The following SORCS2 variants were observed in gnomAD, a reference collection of about 807,000 sequenced individuals.
SORCS2 encodes the protein sortilin related VPS10 domain containing receptor 2, also known as VPS10 domain-containing receptor SorCS2.
SORCS2 carries 100 observed loss-of-function variants against 141.6 expected under a neutral mutation model. That is an observed-to-expected ratio of 0.71 (90% confidence interval 0.60 to 0.83). The LOEUF (loss-of-function observed/expected upper bound fraction) is 0.83. Ranked by LOEUF, SORCS2 falls within the 40% of genes least tolerant of loss-of-function variation. The pLI is 0.00. For synonymous variants in SORCS2, 789 were observed against 676.9 expected (o/e 1.17, Z -2.57); for missense variants, 1,646 against 1,560.2 (o/e 1.05, Z -0.93).
At chr4:7,454,603 T>C (rs1577591422) in intron 2 of SORCS2, among the ~76,000 whole-genome samples, 1 of 117,678 alleles carries the variant, frequency 8.5e-6, no homozygotes, top group Non-Finnish European at 1.7e-5. Context: ...TGTGTTGGGG[T>C]CAGGCACTGT....
intron 3 of SORCS2, among the ~76,000 whole-genome samples, chr4:7,633,617 G>C (rs1486590673): frequency 6.6e-6 from 1 of 152,208 alleles, no homozygotes; most frequent in Non-Finnish European, 1.5e-5. Flanking sequence ...AAAACTTTGA[G>C]TGGTGAAGAC....
intron 1 of SORCS2, among the ~76,000 whole-genome samples, chr4:7,199,305 T>A (rs1372446937): frequency 6.6e-6 from 1 of 151,934 alleles, no homozygotes; most frequent in Non-Finnish European, 1.5e-5. Context: ...GGGGCCGGTG[T>A]GGAGGCACAG....
chr4:7,697,840 A>C (rs1315649626), intron 12 of SORCS2, among the ~76,000 whole-genome samples: 1 of 151,758 alleles, frequency 6.6e-6, no homozygotes, highest in Non-Finnish European at 1.5e-5. Context: ...CGAGAAGAGA[A>C]AGGAAGTGAG....
chr4:7,244,719 C>G (rs1712960519), intron 1 of SORCS2, among the ~76,000 whole-genome samples: 1 of 152,212 alleles, frequency 6.6e-6, no homozygotes, highest in Admixed American at 6.5e-5. Flanking sequence ...TACCCTGACT[C>G]CCACCTACCT....
At chr4:7,705,145 G>A (rs960179056) in intron 14 of SORCS2, among the ~76,000 whole-genome samples, 1 of 152,198 alleles carries the variant, frequency 6.6e-6, no homozygotes, top group African/African-American at 2.4e-5. Flanking sequence ...CCTTACAAGA[G>A]GACACAGAGA....
chr4:7,608,008 C>T (rs1718169557), intron 3 of SORCS2, among the ~76,000 whole-genome samples: 2 of 152,020 alleles, frequency 1.3e-5, no homozygotes, highest in South Asian at 4.1e-4. Context: ...AGACAAATAC[C>T]GTGTTTAGGA....
intron 1 of SORCS2, among the ~76,000 whole-genome samples, chr4:7,203,476 G>T: frequency 6.8e-6 from 1 of 147,426 alleles, no homozygotes; most frequent in South Asian, 2.3e-4. Context: ...CCGAGATCGT[G>T]CCACTGCACT....
intron 2 of SORCS2, among the ~76,000 whole-genome samples, chr4:7,402,946 A>G (rs1041616790): frequency 6.6e-6 from 1 of 151,856 alleles, no homozygotes; most frequent in African/African-American, 2.4e-5. Flanking sequence ...TCTACTCTAA[A>G]AAGCCCATGT....
At chr4:7,340,192 CAGTT>C (rs1170082930) in intron 1 of SORCS2, among the ~76,000 whole-genome samples, 1 of 152,222 alleles carries the variant, frequency 6.6e-6, no homozygotes, top group Non-Finnish European at 1.5e-5. Context: ...CGAGGCCCCA[CAGTT>C]AGTAAGAGGC....
chr4:7,211,061 T>G (rs1315671190), intron 1 of SORCS2, among the ~76,000 whole-genome samples: 1 of 152,218 alleles, frequency 6.6e-6, no homozygotes, highest in Non-Finnish European at 1.5e-5. Context: ...ACAAAATCAC[T>G]TGTGCAAGAA....
At chr4:7,421,168 G>A (rs1186172637) in intron 2 of SORCS2, among the ~76,000 whole-genome samples, 1 of 152,186 alleles carries the variant, frequency 6.6e-6, no homozygotes, top group Non-Finnish European at 1.5e-5. Flanking sequence ...GTTGGCTGAA[G>A]CCCCAGGGAA....
chr4:7,731,717 A>G (rs1332445541), intron 23 of SORCS2, among the ~76,000 whole-genome samples: 2 of 152,252 alleles, frequency 1.3e-5, no homozygotes, highest in Non-Finnish European at 2.9e-5. Context: ...TGGAGAAAAG[A>G]GAATATCTCC....
At chr4:7,585,539 G>T (rs374562957) in intron 3 of SORCS2, among the ~76,000 whole-genome samples, 1 of 152,162 alleles carries the variant, frequency 6.6e-6, no homozygotes, top group East Asian at 1.9e-4. Context: ...GACTATCAGG[G>T]GACCAGGATA....
At chr4:7,464,105 A>G (rs1216841478) in intron 2 of SORCS2, among the ~76,000 whole-genome samples, 1 of 152,200 alleles carries the variant, frequency 6.6e-6, no homozygotes, top group East Asian at 1.9e-4. Context: ...TGGATGCCGC[A>G]GTGGACTGAA....
chr4:7,248,225 C>G (rs973856539), intron 1 of SORCS2, among the ~76,000 whole-genome samples: 1 of 152,146 alleles, frequency 6.6e-6, no homozygotes, highest in Middle Eastern at 3.2e-3. Flanking sequence ...GGGGTCCTTG[C>G]GGGGCTCAGC....
chr4:7,601,099 T>TTC (rs911808960), intron 3 of SORCS2, among the ~76,000 whole-genome samples: 1 of 152,214 alleles, frequency 6.6e-6, no homozygotes, highest in Non-Finnish European at 1.5e-5. Flanking sequence ...TTTCCTGGTC[T>TTC]CGAACTCCTG....
chr4:7,454,390 GTGTGTTGGGGTCAGGTGC>G (rs1464526394), intron 2 of SORCS2, among the ~76,000 whole-genome samples: 2 of 138,150 alleles, frequency 1.4e-5, no homozygotes, highest in African/African-American at 2.8e-5. Flanking sequence ...GTCAGGTGCT[GTGTGTTGGGGTCAGGTGC>G]TGTGTTGGGG....
chr4:7,507,805 G>A lies in SORCS2; in HGVS notation c.549-23725G>A, dbSNP rs556205179. On this transcript the variant is annotated intron_variant, in intron 2 of 26. Transcript: ENST00000507866. ...ATGAGGGAGCTGGCTGGAACACGGGGTTGGGTCTCTGTGTTCGAGCCATGC... is the reference window on the plus strand; with the variant it reads ...ATGAGGGAGCTGGCTGGAACACGGGATTGGGTCTCTGTGTTCGAGCCATGC... 2.6e-5 allele frequency among the ~76,000 whole-genome samples: 4 copies of A among 152,256 alleles called. No homozygotes were observed. In the South Asian group the frequency reaches 8.3e-4, roughly 32 times the overall value.
At chr4:7,601,429 C>T (rs1717657068) in intron 3 of SORCS2, among the ~76,000 whole-genome samples, 1 of 151,240 alleles carries the variant, frequency 6.6e-6, no homozygotes, top group Admixed American at 6.6e-5. Context: ...TTCAAAAAAG[C>T]AGGGTCATTA....
Sources: gnomAD v4.1 joint callset for allele counts (sites outside exome capture counted in the v4.1 genomes callset) on GRCh38, gnomAD v4.1.1 for gene constraint, MANE v1.5 for transcripts, NCBI Gene and HGNC (gene_info 2026-07-23, HGNC 2026-07-21) for gene names.